The following PRKD1 variants were observed in gnomAD, a reference collection of about 807,000 sequenced individuals.
PRKD1 encodes protein kinase D1, also known as serine/threonine-protein kinase D1.
In PRKD1, 63 loss-of-function variants were observed where a neutral mutation model predicts 95.9. That is an observed-to-expected ratio of 0.66 (90% confidence interval 0.54 to 0.81). The LOEUF is 0.81. Ranked by LOEUF, PRKD1 falls within the 30% of genes least tolerant of loss-of-function variation. PRKD1 has a pLI of 0.00. For missense variants in PRKD1, 1,048 were observed against 1,165.3 expected (o/e 0.90, Z 1.47); for synonymous variants, 425 against 423.1 (o/e 1.00, Z -0.05).
chr14:29,732,980 T>C (rs1177603138), intron 1 of PRKD1, among the ~76,000 whole-genome samples: 2 of 151,694 alleles, frequency 1.3e-5, no homozygotes, highest in African/African-American at 2.4e-5. Flanking sequence ...TTTATACATT[T>C]CATGACATTT....
chr14:29,827,418 G>A (rs1237563421), intron 1 of PRKD1, among the ~76,000 whole-genome samples: 1 of 151,996 alleles, frequency 6.6e-6, no homozygotes, highest in African/African-American at 2.4e-5. Flanking sequence ...GCATACTCTG[G>A]ACTCTGAGTC....
chr14:29,878,434 G>C (rs116383876), intron 1 of PRKD1, among the ~76,000 whole-genome samples: 1 of 150,160 alleles, frequency 6.7e-6, no homozygotes, highest in Admixed American at 6.6e-5. Context: ...GTGAAAACAC[G>C]GATTCAAACA....
chr14:29,586,884 C>T (rs1892952229), intron 16 of PRKD1, among the ~76,000 whole-genome samples: 1 of 152,152 alleles, frequency 6.6e-6, no homozygotes, highest in Non-Finnish European at 1.5e-5. Flanking sequence ...CCTGGCCTCC[C>T]AAAGTGCTGG....
chr14:29,910,963 G>GA, intron 1 of PRKD1, among the ~76,000 whole-genome samples: 1 of 152,238 alleles, frequency 6.6e-6, no homozygotes, highest in African/African-American at 2.4e-5. Flanking sequence ...TTTCACAGGT[G>GA]AAAAAATATC....
At chr14:29,772,409 C>T (rs1485795199) in intron 1 of PRKD1, among the ~76,000 whole-genome samples, 2 of 152,136 alleles carry the variant, frequency 1.3e-5, no homozygotes, top group East Asian at 1.9e-4. Flanking sequence ...CACTCAATTC[C>T]GAATCTGCTG....
At chr14:29,606,215 G>A (rs1893701348) in intron 13 of PRKD1, among the ~76,000 whole-genome samples, 2 of 152,160 alleles carry the variant, frequency 1.3e-5, no homozygotes, top group African/African-American at 4.8e-5. Context: ...GTTTCACCAT[G>A]TTAGCCAGGC....
chr14:29,612,867 G>A (rs1477834817), intron 13 of PRKD1, among the ~76,000 whole-genome samples: 1 of 152,170 alleles, frequency 6.6e-6, no homozygotes, highest in African/African-American at 2.4e-5. Flanking sequence ...GGGAGGCCTA[G>A]GCGGGTGGAT....
chr14:29,629,594 TA>T (rs1482857230), intron 10 of PRKD1, among the ~76,000 whole-genome samples: 1 of 152,174 alleles, frequency 6.6e-6, no homozygotes, highest in Non-Finnish European at 1.5e-5. Flanking sequence ...CACTATAATG[TA>T]AAAAAACCAG....
At chr14:29,585,695 C>T (rs1374803199) in intron 16 of PRKD1, among the ~76,000 whole-genome samples, 2 of 152,112 alleles carry the variant, frequency 1.3e-5, no homozygotes, top group Non-Finnish European at 1.5e-5. Flanking sequence ...CAAAATATAA[C>T]AGATCATAAG....
chr14:29,636,865 G>A lies in PRKD1; in HGVS notation c.986-371C>T, dbSNP rs373464841. On this transcript the variant is annotated intron_variant, in intron 6 of 17. Coordinates refer to ENST00000331968, the MANE Select transcript of PRKD1 (RefSeq NM_002742.3). ...ACCTCCCACTTATAAGTGAGAACAT[G>A]TGGTATTTGCTTTTCTGTTCCTGTG... 3.1e-4 allele frequency among the ~76,000 whole-genome samples: 47 copies of A among 152,236 alleles called. 1 individual carries two copies. The South Asian group carries it at 7.7e-3, about 25-fold the overall frequency.
chr14:29,803,090 T>A (rs965788357), intron 1 of PRKD1, among the ~76,000 whole-genome samples: 1 of 152,132 alleles, frequency 6.6e-6, no homozygotes. Context: ...CCCTCCCAAA[T>A]GGTAGTATTT....
At chr14:29,808,094 G>A (rs750969418) in intron 1 of PRKD1, among the ~76,000 whole-genome samples, 1 of 152,088 alleles carries the variant, frequency 6.6e-6, no homozygotes, top group East Asian at 1.9e-4. Flanking sequence ...TTTCTCTGTA[G>A]CATGTGATGC....
At chr14:29,703,457 AT>A (rs1163827142) in intron 2 of PRKD1, among the ~76,000 whole-genome samples, 4 of 152,134 alleles carry the variant, frequency 2.6e-5, no homozygotes, top group Non-Finnish European at 2.9e-5. Flanking sequence ...AACTCAAATG[AT>A]TGTAGTATTA....
At chr14:29,785,732 T>G (rs1043700320) in intron 1 of PRKD1, among the ~76,000 whole-genome samples, 1 of 151,768 alleles carries the variant, frequency 6.6e-6, no homozygotes, top group Non-Finnish European at 1.5e-5. Context: ...AAATGATGAG[T>G]TAATGGGTGC....
At chr14:29,838,031 C>T (rs981278990) in intron 1 of PRKD1, among the ~76,000 whole-genome samples, 17 of 152,092 alleles carry the variant, frequency 1.1e-4, no homozygotes, top group South Asian at 6.2e-4. Flanking sequence ...CAGCACAGCA[C>T]GAAACTGTAC....
At chr14:29,804,045 C>A (rs28607827) in intron 1 of PRKD1, among the ~76,000 whole-genome samples, 1 of 152,138 alleles carries the variant, frequency 6.6e-6, no homozygotes, top group Non-Finnish European at 1.5e-5. Flanking sequence ...AGTTTGAAAC[C>A]AGCCTGGCCA....
At chr14:29,728,861 A>G (rs1886300066) in intron 1 of PRKD1, among the ~76,000 whole-genome samples, 2 of 152,144 alleles carry the variant, frequency 1.3e-5, no homozygotes, top group Non-Finnish European at 2.9e-5. Flanking sequence ...TAATAAACTT[A>G]CCACCACATT....
intron 1 of PRKD1, among the ~76,000 whole-genome samples, chr14:29,757,353 C>T (rs1887752841): frequency 6.6e-6 from 1 of 152,052 alleles, no homozygotes; most frequent in African/African-American, 2.4e-5. Flanking sequence ...ATGCAAGGTG[C>T]CAGGGAAGCA....
At chr14:29,733,107 T>TA (rs1282641502) in intron 1 of PRKD1, among the ~76,000 whole-genome samples, 1 of 138,840 alleles carries the variant, frequency 7.2e-6, no homozygotes, top group Non-Finnish European at 1.6e-5. Context: ...TTTATTTATT[T>TA]ATTTTTTTTT....
Sources: allele counts gnomAD v4.1 joint callset (sites outside exome capture counted in the v4.1 genomes callset), GRCh38; gene constraint gnomAD v4.1.1; transcripts MANE v1.5; gene names NCBI Gene and HGNC (gene_info 2026-07-23, HGNC 2026-07-21).